MYO16: variants seen among roughly 807,000 people sequenced by gnomAD.
MYO16 encodes unconventional myosin-XVI.
Under a neutral mutation model 205.3 loss-of-function variants are expected in MYO16, and 94 were observed. The observed-to-expected ratio is 0.46, with a 90% CI of 0.39 to 0.54. MYO16 has a LOEUF of 0.54. Ranked by LOEUF, MYO16 falls within the 20% of genes least tolerant of loss-of-function variation. The pLI is 0.00. For synonymous variants in MYO16, 988 were observed against 954.0 expected (o/e 1.04, Z -0.66); for missense variants, 2,315 against 2,387.5 (o/e 0.97, Z 0.63).
the MYO16 span, among the ~76,000 whole-genome samples, chr13:108,539,374 A>G: frequency 1.3e-5 from 2 of 152,020 alleles, no homozygotes; most frequent in African/African-American, 4.8e-5. Context: ...ATCTGCATGG[A>G]CACCCTCTCC....
the MYO16 span, among the ~76,000 whole-genome samples, chr13:108,579,690 C>T: frequency 3.3e-5 from 5 of 152,120 alleles, no homozygotes; most frequent in Non-Finnish European, 5.9e-5. Flanking sequence ...CCACCTGCCT[C>T]GGCCTCCCAA....
chr13:108,809,222 T>G (rs1382237270), intron 7 of MYO16, among the ~76,000 whole-genome samples: 1 of 152,216 alleles, frequency 6.6e-6, no homozygotes, highest in Non-Finnish European at 1.5e-5. Flanking sequence ...ACTTCCCAAC[T>G]ACTTCATTTC....
At position 109,140,368 on chromosome 13, in the gene MYO16, G is replaced by A. The variant is rs749169525; in HGVS notation, c.4156G>A (p.Glu1386Lys). 6.2e-7 allele frequency: 1 copy of A among 1,601,962 alleles called. No homozygotes were observed. Among genetic ancestry groups the A allele is most frequent in the Non-Finnish European group, 8.5e-7 (1 of 1,178,580 alleles). ...SPNTKLSGSYEEISGSRPGDA... is the reference protein window; with the variant it reads ...SPNTKLSGSYKEISGSRPGDA... The stretch of plus-strand genomic sequence containing the variant: ...CAACACCAAGCTCAGCGGCTCCTAC[G>A]AGGAGATATCGGGGTCCCGGCCCGG... Residue 1386 changes from glutamate to lysine, a missense_variant, in exon 32 of 35, where the codon GAG becomes AAG. Glu to Lys is a moderately conservative substitution (Grantham distance 56). This residue lies in a region of MYO16 where 1,097 missense variants were observed against 1,092.0 expected (regional missense o/e 1.00). Transcript: ENST00000457511. The surrounding 1 kb of genome is among the most constrained non-coding windows in gnomAD (Gnocchi z 8.0).
the MYO16 span, among the ~76,000 whole-genome samples, chr13:108,497,217 C>A: frequency 6.6e-6 from 1 of 152,166 alleles, no homozygotes; most frequent in African/African-American, 2.4e-5. Flanking sequence ...CAGCTTCTTT[C>A]TTTTGGGATT....
intron 31 of MYO16, among the ~76,000 whole-genome samples, chr13:109,135,322 G>A (rs1246784577): frequency 1.3e-5 from 2 of 152,224 alleles, no homozygotes; most frequent in African/African-American, 2.4e-5. Flanking sequence ...ATGCCTTCAT[G>A]AGGATTTAGT....
chr13:108,518,541 C>T, the MYO16 span, among the ~76,000 whole-genome samples: 2 of 152,092 alleles, frequency 1.3e-5, no homozygotes, highest in African/African-American at 4.8e-5. Flanking sequence ...TTTAAAATAT[C>T]CCACTGGAAG....
At chr13:108,962,797 C>T (rs1389048086) in intron 19 of MYO16, among the ~76,000 whole-genome samples, 1 of 152,208 alleles carries the variant, frequency 6.6e-6, no homozygotes, top group Non-Finnish European at 1.5e-5. Flanking sequence ...TGTGTGGTGC[C>T]ATGCTGCACT....
intron 10 of MYO16, among the ~76,000 whole-genome samples, chr13:108,852,812 C>T (rs1317568998): frequency 1.3e-5 from 2 of 152,136 alleles, no homozygotes; most frequent in African/African-American, 4.8e-5. Context: ...TTCCCTCAAC[C>T]ACTTTATGAA....
chr13:108,987,117 C>T (rs1396134398), intron 20 of MYO16, among the ~76,000 whole-genome samples: 1 of 152,214 alleles, frequency 6.6e-6, no homozygotes, highest in African/African-American at 2.4e-5. Flanking sequence ...GTCCGCAGTT[C>T]TGTACTTCCT....
intron 1 of MYO16, among the ~76,000 whole-genome samples, chr13:108,624,089 T>C (rs1879642917): frequency 6.6e-6 from 1 of 152,202 alleles, no homozygotes; most frequent in Non-Finnish European, 1.5e-5. Flanking sequence ...AAAAAATCCA[T>C]GTATATCAAT....
chr13:109,199,192 GTATATATATATATA>G (rs4000581), intron 34 of MYO16, among the ~76,000 whole-genome samples: 2,083 of 75,530 alleles, frequency 0.028, 70 homozygotes, highest in Non-Finnish European at 0.031. Flanking sequence ...AATAAAAAAG[GTATATATATATATA>G]TATATATATA....
At chr13:109,199,498 A>G (rs1299565474) in intron 34 of MYO16, among the ~76,000 whole-genome samples, 1 of 152,060 alleles carries the variant, frequency 6.6e-6, no homozygotes, top group Non-Finnish European at 1.5e-5. Flanking sequence ...AGTTCCAGAA[A>G]AGAAAATAAA....
chr13:108,653,892 A>G (rs543705184), intron 1 of MYO16, among the ~76,000 whole-genome samples: 2 of 152,230 alleles, frequency 1.3e-5, no homozygotes, highest in South Asian at 2.1e-4. Context: ...AGACAGCTCA[A>G]CAGAGAAAAC....
intron 2 of MYO16, among the ~76,000 whole-genome samples, chr13:108,690,563 C>CA (rs1246681742): frequency 6.6e-6 from 1 of 151,796 alleles, no homozygotes; most frequent in Non-Finnish European, 1.5e-5. Flanking sequence ...TCCAGAAGGG[C>CA]AAAATCTTCC....
At chr13:108,500,119 T>A in the MYO16 span, among the ~76,000 whole-genome samples, 24 of 151,704 alleles carry the variant, frequency 1.6e-4, no homozygotes, top group South Asian at 4.4e-3. Flanking sequence ...GGAGGTTCCA[T>A]ACCACACCTG....
At chr13:109,204,985 C>T (rs997065608) in intron 34 of MYO16, among the ~76,000 whole-genome samples, 5 of 152,180 alleles carry the variant, frequency 3.3e-5, no homozygotes, top group Admixed American at 6.5e-5. Flanking sequence ...AGCAATCTGG[C>T]TTCCACAAGC....
intron 4 of MYO16, among the ~76,000 whole-genome samples, chr13:108,774,718 T>G (rs1451215670): frequency 6.6e-6 from 1 of 152,186 alleles, no homozygotes; most frequent in African/African-American, 2.4e-5. Flanking sequence ...ATTTCACATC[T>G]AGTGATTAGA....
chr13:108,557,427 C>T, the MYO16 span, among the ~76,000 whole-genome samples: 286 of 152,162 alleles, frequency 1.9e-3, no homozygotes, highest in African/African-American at 6.5e-3. Flanking sequence ...TGTTTGTGTG[C>T]ACAAACCATG....
intron 16 of MYO16, among the ~76,000 whole-genome samples, chr13:108,927,403 G>A (rs902984597): frequency 2.0e-5 from 3 of 152,014 alleles, no homozygotes; most frequent in South Asian, 2.1e-4. Flanking sequence ...CTGGTATAAT[G>A]GGCCTGGGGC....
Sources: allele counts gnomAD v4.1 joint callset (sites outside exome capture counted in the v4.1 genomes callset), GRCh38; gene constraint gnomAD v4.1.1; regional missense constraint gnomAD v4.1.1; non-coding constraint Gnocchi (gnomAD v3.1); transcripts MANE v1.5; gene names NCBI Gene and HGNC (gene_info 2026-07-23, HGNC 2026-07-21).